Variants in NRG2 observed in about 807,000 individuals in gnomAD.
NRG2 encodes neuregulin 2, also known as pro-neuregulin-2, membrane-bound isoform.
In NRG2, 27 loss-of-function variants were observed where a neutral mutation model predicts 73.9. The observed-to-expected ratio is 0.37, with a 90% confidence interval of 0.27 to 0.50. NRG2 has a LOEUF of 0.50. Ranked by LOEUF, NRG2 falls within the 20% of genes least tolerant of loss-of-function variation. The probability of loss-of-function intolerance (pLI) is 0.96; values close to 1 mark genes in which losing one functional copy is unlikely to be tolerated. For synonymous variants in NRG2, 532 were observed against 541.0 expected, an observed-to-expected ratio of 0.98 and a Z score of 0.23; for missense variants, 1,126 against 1,210.1, an observed-to-expected ratio of 0.93 and a Z score of 1.03.
chr5:139,984,198 G>T (rs1757005284), intron 1 of NRG2, among the ~76,000 whole-genome samples: 1 of 152,040 alleles, frequency 6.6e-6, no homozygotes, highest in South Asian at 2.1e-4. Context: ...ACACAAGGCT[G>T]TTCAACATAG....
intron 1 of NRG2, among the ~76,000 whole-genome samples, chr5:139,922,786 T>C (rs1751769653): frequency 6.6e-6 from 1 of 152,098 alleles, no homozygotes; most frequent in African/African-American, 2.4e-5. Flanking sequence ...AGAAATGAGC[T>C]ATCAAGCCAT....
At chr5:139,980,492 T>C (rs1756715098) in intron 1 of NRG2, among the ~76,000 whole-genome samples, 1 of 152,198 alleles carries the variant, frequency 6.6e-6, no homozygotes, top group Non-Finnish European at 1.5e-5. Context: ...TTAGCCCAAG[T>C]CTGCTTTCAG....
chr5:139,954,163 G>A lies in NRG2; in HGVS notation c.701-66652C>T, dbSNP rs868299859. 7.9e-5 allele frequency among the ~76,000 whole-genome samples: 12 copies of A among 152,248 alleles called. No individual in the cohort carries two copies. The highest frequency in any genetic ancestry group is 3.4e-3 in the Middle Eastern group (1 of 294). ...CTCTCCCCTTGCCTCCTGCACGATC[G>A]TGGCAAGACAACTGCTTCTCATTAG... On this transcript the variant is annotated intron_variant, in intron 1 of 9. Coordinates refer to ENST00000361474, the MANE Select transcript of NRG2 (RefSeq NM_004883.3). The surrounding 1 kb of genome is among the most constrained non-coding windows in gnomAD (Gnocchi z 5.0).
chr5:139,848,774 G>GGGGGT, intron 9 of NRG2, 77 bp from the exon 10 acceptor site: 1 of 639,890 alleles, frequency 1.6e-6, no homozygotes, highest in Non-Finnish European at 2.2e-6. Flanking sequence ...GGTGGGGTAG[G>GGGGGT]GTGGGAGGGG....
intron 1 of NRG2, among the ~76,000 whole-genome samples, chr5:139,903,774 G>T (rs1489376479): frequency 6.6e-6 from 1 of 152,252 alleles, no homozygotes; most frequent in African/African-American, 2.4e-5. Flanking sequence ...TTCGCGAGCG[G>T]GGCAGGGCAT....
intron 2 of NRG2, among the ~76,000 whole-genome samples, chr5:139,882,610 A>C (rs1763591872): frequency 1.3e-5 from 2 of 152,118 alleles, no homozygotes; most frequent in South Asian, 4.1e-4. Flanking sequence ...CAGCCAAATT[A>C]GATGCCACAA....
intron 5 of NRG2, among the ~76,000 whole-genome samples, chr5:139,863,847 CCAAGCAG>C: frequency 6.6e-6 from 1 of 152,314 alleles, no homozygotes; most frequent in African/African-American, 2.4e-5. Context: ...ACCATCTGGG[CCAAGCAG>C]CTCCCATCCC....
At chr5:139,970,683 A>G (rs1361726209) in intron 1 of NRG2, among the ~76,000 whole-genome samples, 2 of 152,212 alleles carry the variant, frequency 1.3e-5, no homozygotes, top group East Asian at 1.9e-4. Flanking sequence ...CCTGTGCATG[A>G]AAGACCAGAG....
chr5:140,000,352 G>A (rs1758343193), intron 1 of NRG2, among the ~76,000 whole-genome samples: 1 of 152,222 alleles, frequency 6.6e-6, no homozygotes, highest in South Asian at 2.1e-4. Flanking sequence ...CCTTCCTCGA[G>A]CTTTTGCACT....
intron 1 of NRG2, among the ~76,000 whole-genome samples, chr5:139,987,772 GTT>G (rs374160865): frequency 7.2e-4 from 91 of 126,122 alleles, no homozygotes; most frequent in African/African-American, 2.3e-3. Flanking sequence ...TCTGCAGGTT[GTT>G]TTTTTTTTTT....
In NRG2 at chr5:139,848,114, C is replaced by A; in HGVS notation, c.2356G>T (p.Gly786Trp). ...ASDDDADDAD[G>W]ALAAESTPFL... ...GGTGTGCTCTCGGCCGCCAGCGCCC[C>A]GTCCGCGTCGTCCGCGTCGTCGTCC... is the stretch of plus-strand genomic sequence containing the variant. Residue 786 changes from glycine to tryptophan, a missense_variant, in exon 10 of 10, where the codon GGG (glycine) becomes TGG (tryptophan). Gly to Trp is a radical substitution (Grantham distance 184). Transcript: ENST00000361474. 1 of 1,471,436 alleles carries A rather than the reference C, an allele frequency of 6.8e-7. No individual in the cohort carries two copies. Among genetic ancestry groups the A allele is most frequent in the Non-Finnish European group, 8.9e-7 (1 of 1,119,036 alleles). The allele number at this position is 1,471,436 out of a possible 1,614,324, so 91.1% of individuals were successfully genotyped here.
intron 1 of NRG2, among the ~76,000 whole-genome samples, chr5:139,919,887 G>A (rs751627833): frequency 1.2e-4 from 18 of 152,160 alleles, no homozygotes; most frequent in African/African-American, 2.7e-4. Context: ...TGCAAGTCTC[G>A]CAACAAAAAT....
rs199559499 is a variant in NRG2, at chr5:139,871,945, G to T, written c.992-104C>A. On this transcript the variant is annotated intron_variant, in intron 3 of 9. Transcript: ENST00000361474. Reference sequence around the variant, plus strand: ...CGTCAAAACTGGAAGATGACCAGAGGCTGCAGGAATGACTGGGGAGGGGAG... The same window carrying T: ...CGTCAAAACTGGAAGATGACCAGAGTCTGCAGGAATGACTGGGGAGGGGAG... 2.0e-6 allele frequency: 3 copies of T among 1,482,448 alleles called. No homozygotes were observed. The East Asian group carries it at 7.0e-5, about 34-fold the overall frequency. 91.8% of individuals were successfully genotyped at this position (1,482,448 alleles called of 1,614,324 possible).
rs1236648129 is a variant in NRG2, at chr5:139,887,633, G to A, written c.701-122C>T. ...CTGGGGAAGGGAAGGGTGATCCTGA[G>A]AGCCACCCCTCCTAGTGTCATTTCC... On this transcript the variant is annotated intron_variant, in intron 1 of 9. Transcript: ENST00000361474. This position sits in a 1 kb window ranked among gnomAD's most constrained non-coding sequence, Gnocchi z 4.5. 5.2e-6 allele frequency: 4 copies of A among 768,162 alleles called. No individual in the cohort carries two copies. The Admixed American group carries it at 7.3e-5, about 14-fold the overall frequency. 47.6% of individuals were successfully genotyped at this position (768,162 alleles called of 1,614,324 possible).
chr5:139,911,351 C>T (rs1750808877), intron 1 of NRG2, among the ~76,000 whole-genome samples: 1 of 152,104 alleles, frequency 6.6e-6, no homozygotes, highest in African/African-American at 2.4e-5. Flanking sequence ...TTCTAAACCT[C>T]CCAGTGAGAG....
intron 1 of NRG2, among the ~76,000 whole-genome samples, chr5:139,938,905 AAAAG>A (rs1164805368): frequency 0.14 from 10,870 of 75,062 alleles, 705 homozygotes; most frequent in East Asian, 0.19. Flanking sequence ...AGAAAGAAAG[AAAAG>A]AAAGAAAGAA....
At chr5:140,000,343 C>T (rs1758342073) in intron 1 of NRG2, among the ~76,000 whole-genome samples, 1 of 152,266 alleles carries the variant, frequency 6.6e-6, no homozygotes, top group Non-Finnish European at 1.5e-5. Flanking sequence ...CCACCCCTCC[C>T]TTCCTCGAGC....
chr5:139,932,445 C>T (rs1394215191), intron 1 of NRG2, among the ~76,000 whole-genome samples: 3 of 151,008 alleles, frequency 2.0e-5, no homozygotes, highest in African/African-American at 7.3e-5. Flanking sequence ...ATACATGAGA[C>T]AGAGAATGAA....
chr5:139,998,983 C>A lies in NRG2; in HGVS notation c.700+43387G>T, dbSNP rs773497730. Among the ~76,000 whole-genome samples the A allele has an allele frequency of 1.9e-4, 29 of 152,114 alleles. 1 individual carries two copies. The highest frequency in any genetic ancestry group is 3.7e-4 in the Non-Finnish European group (25 of 68,032). ...CCTCTTTCAGCACAGCTGTCCTATG[C>A]GAGTTCAGATCCACTTCCTGCTTGA... On this transcript the variant is annotated intron_variant, in intron 1 of 9. Coordinates refer to ENST00000361474, the MANE Select transcript of NRG2 (RefSeq NM_004883.3).
Sources: gnomAD v4.1 joint callset for allele counts (sites outside exome capture counted in the v4.1 genomes callset) on GRCh38, gnomAD v4.1.1 for gene constraint, Gnocchi (gnomAD v3.1) non-coding constraint, MANE v1.5 for transcripts, NCBI Gene and HGNC (gene_info 2026-07-23, HGNC 2026-07-21) for gene names.